Variants in NRP1 observed in about 807,000 individuals in gnomAD.
NRP1 encodes neuropilin-1.
Under a neutral mutation model 106.7 loss-of-function variants are expected in NRP1, and 35 were observed. The observed-to-expected ratio is 0.33, with a 90% CI of 0.25 to 0.43. The LOEUF is 0.43. Among genes scored for constraint, NRP1 ranks in the 20% least tolerant of loss-of-function variants. The probability of loss-of-function intolerance (pLI) is 1.00; values close to 1 mark genes in which losing one functional copy is unlikely to be tolerated. For synonymous variants in NRP1, 437 were observed against 417.9 expected (o/e 1.05, Z -0.56); for missense variants, 1,024 against 1,170.4 (o/e 0.87, Z 1.83).
chr10:33,228,291 G>A (rs1438129821), intron 6 of NRP1, among the ~76,000 whole-genome samples: 1 of 152,120 alleles, frequency 6.6e-6, no homozygotes, highest in Admixed American at 6.5e-5. Flanking sequence ...AGAATCTCCT[G>A]AACCCTGGAG....
At chr10:33,282,899 C>T (rs76952672) in intron 2 of NRP1, among the ~76,000 whole-genome samples, 5 of 152,160 alleles carry the variant, frequency 3.3e-5, no homozygotes, top group Admixed American at 3.3e-4. Flanking sequence ...GTGCCCACCA[C>T]CACACCCAGC....
chr10:33,183,641 G>T (rs1265889790), intron 15 of NRP1, among the ~76,000 whole-genome samples: 1 of 152,180 alleles, frequency 6.6e-6, no homozygotes, highest in African/African-American at 2.4e-5. Flanking sequence ...AGGAATTTTT[G>T]AGTGCTTTGT....
intron 15 of NRP1, among the ~76,000 whole-genome samples, chr10:33,183,373 G>A (rs923864306): frequency 6.6e-6 from 1 of 151,738 alleles, no homozygotes; most frequent in African/African-American, 2.4e-5. Flanking sequence ...GAAGAGACAT[G>A]GTTTTGGCAT....
intron 11 of NRP1, 39 bp from the exon 12 acceptor site, chr10:33,197,748 C>T (rs771821428): frequency 2.3e-6 from 3 of 1,293,266 alleles, no homozygotes; most frequent in Non-Finnish European, 3.3e-6. Flanking sequence ...AATAAGAAAA[C>T]AGTAGCGAAT....
intron 2 of NRP1, among the ~76,000 whole-genome samples, chr10:33,281,780 G>A (rs942195716): frequency 3.3e-5 from 5 of 152,168 alleles, no homozygotes; most frequent in Non-Finnish European, 7.3e-5. Flanking sequence ...ACGCTTGTAG[G>A]TGTTCGATGG....
chr10:33,312,356 TC>T (rs765358439), intron 2 of NRP1, among the ~76,000 whole-genome samples: 7 of 152,222 alleles, frequency 4.6e-5, no homozygotes, highest in Non-Finnish European at 7.4e-5. Context: ...AGCTACTTTA[TC>T]ATTATACATT....
Position 33,213,733 on chromosome 10 carries a change from A to G in NRP1, c.1283-16T>C. 1 of 1,543,292 alleles carries G rather than the reference A, an allele frequency of 6.5e-7. No homozygotes were observed. Among genetic ancestry groups the G allele is most frequent in the Non-Finnish European group, 8.8e-7 (1 of 1,139,618 alleles). ...CAAGGATAATCTGGGAAGTGAAATG[A>G]AACAGATAATGTAAAATGATTTCCT... On this transcript the variant is annotated splice_polypyrimidine_tract_variant and intron_variant, in intron 8 of 16. Coordinates refer to ENST00000374867, the MANE Select transcript of NRP1 (RefSeq NM_003873.7).
intron 9 of NRP1, among the ~76,000 whole-genome samples, chr10:33,210,918 T>G (rs1283444201): frequency 1.3e-5 from 2 of 152,254 alleles, no homozygotes; most frequent in African/African-American, 4.8e-5. Context: ...CATTTCTTTT[T>G]TCGTCTTAGA....
chr10:33,263,903 T>G (rs1192780547), intron 3 of NRP1, 30 bp from the exon 4 acceptor site: 5 of 1,415,688 alleles, frequency 3.5e-6, no homozygotes, highest in Non-Finnish European at 5.0e-6. Flanking sequence ...AGGAGTAAAG[T>G]GAAAATCCCA....
chr10:33,282,184 G>A (rs1470111929), intron 2 of NRP1, among the ~76,000 whole-genome samples: 5 of 151,192 alleles, frequency 3.3e-5, no homozygotes, highest in African/African-American at 7.3e-5. Flanking sequence ...GTACCCAACC[G>A]ATTTAATGAA....
At chr10:33,283,755 A>G (rs1338347377) in intron 2 of NRP1, among the ~76,000 whole-genome samples, 1 of 152,228 alleles carries the variant, frequency 6.6e-6, no homozygotes, top group Non-Finnish European at 1.5e-5. Context: ...CATGATTTAT[A>G]TGGACCTTAA....
At chr10:33,183,325 A>G (rs1242336695) in intron 15 of NRP1, among the ~76,000 whole-genome samples, 1 of 151,294 alleles carries the variant, frequency 6.6e-6, no homozygotes. Flanking sequence ...AAAAACAACA[A>G]CAACAAATTT....
At chr10:33,190,451 T>C (rs865868302) in intron 13 of NRP1, among the ~76,000 whole-genome samples, 1 of 152,238 alleles carries the variant, frequency 6.6e-6, no homozygotes, top group African/African-American at 2.4e-5. Flanking sequence ...AGTCCAATTT[T>C]ATCCAATTTC....
At chr10:33,296,706 A>C (rs1357306996) in intron 2 of NRP1, among the ~76,000 whole-genome samples, 1 of 152,192 alleles carries the variant, frequency 6.6e-6, no homozygotes, top group Non-Finnish European at 1.5e-5. Context: ...AGCAGAGCCC[A>C]GACATCAAGG....
At chr10:33,266,249 T>C (rs1842908822) in intron 3 of NRP1, among the ~76,000 whole-genome samples, 1 of 152,240 alleles carries the variant, frequency 6.6e-6, no homozygotes, top group African/African-American at 2.4e-5. Flanking sequence ...TGTCATGCTA[T>C]GGAAGTGATC....
chr10:33,235,195 A>G (rs76850909), intron 6 of NRP1, among the ~76,000 whole-genome samples: 7 of 152,242 alleles, frequency 4.6e-5, no homozygotes, highest in Non-Finnish European at 8.8e-5. Context: ...TTCTGTTTGA[A>G]TAGTAAAATC....
rs531784593 is a variant in NRP1 at position 33,256,960 on chromosome 10, C to G, written c.659-489G>C. On this transcript the variant is annotated intron_variant, in intron 4 of 16. Transcript: ENST00000374867. ...GTCTGATCAGTCCCAGGGGTCTGAT[C>G]CACGATTGACCTGCAATTGGCTTCC... is the stretch of plus-strand genomic sequence containing the variant. Among the ~76,000 whole-genome samples the G allele has an allele frequency of 1.7e-4, 26 of 152,274 alleles. 1 individual carries two copies. In the East Asian group the frequency reaches 3.1e-3, roughly 18 times the overall value.
chr10:33,324,620 G>GATA (rs1847758689), intron 2 of NRP1, among the ~76,000 whole-genome samples: 1 of 145,044 alleles, frequency 6.9e-6, no homozygotes, highest in African/African-American at 2.9e-5. Context: ...CACTGTCTAT[G>GATA]TTCAAGGATA....
intron 12 of NRP1, among the ~76,000 whole-genome samples, chr10:33,192,937 G>A (rs1161389674): frequency 6.6e-6 from 1 of 152,142 alleles, no homozygotes; most frequent in African/African-American, 2.4e-5. Context: ...GGTCTTTAAT[G>A]TCAGGGTTAG....
Sources: gnomAD v4.1 joint callset for allele counts (sites outside exome capture counted in the v4.1 genomes callset) on GRCh38, gnomAD v4.1.1 for gene constraint, MANE v1.5 for transcripts, NCBI Gene and HGNC (gene_info 2026-07-23, HGNC 2026-07-21) for gene names.